Variants in LEMD1 observed in about 807,000 individuals in gnomAD.
LEMD1 encodes the protein LEM domain containing 1, also known as LEM domain-containing protein 1.
In LEMD1, 18 loss-of-function variants were observed where a neutral mutation model predicts 17.4. The observed-to-expected ratio is 1.04, with a 90% confidence interval of 0.72 to 1.54. The LOEUF (loss-of-function observed/expected upper bound fraction) is 1.54, where lower values mean the gene tolerates loss of function less well. Among genes scored for constraint, LEMD1 ranks in the 40% most tolerant of loss-of-function variants. LEMD1 has a pLI of 0.00. For missense variants in LEMD1, 195 were observed against 210.4 expected, an observed-to-expected ratio of 0.93 and a Z score of 0.45; for synonymous variants, 88 against 77.8, an observed-to-expected ratio of 1.13 and a Z score of -0.69.
intron 4 of LEMD1, among the ~76,000 whole-genome samples, chr1:205,407,803 TG>T (rs1303070332): frequency 6.6e-6 from 1 of 152,162 alleles, no homozygotes; most frequent in Non-Finnish European, 1.5e-5. Flanking sequence ...CCCCTTAACC[TG>T]TGGGATCTGA....
intron 3 of LEMD1, among the ~76,000 whole-genome samples, chr1:205,417,437 C>T (rs1194417859): frequency 1.3e-5 from 2 of 152,204 alleles, no homozygotes; most frequent in African/African-American, 2.4e-5. Flanking sequence ...AAGTCGTGAA[C>T]AGTTCTGAAA....
intron 2 of LEMD1, among the ~76,000 whole-genome samples, chr1:205,420,228 G>A (rs942204398): frequency 2.6e-5 from 4 of 152,168 alleles, no homozygotes; most frequent in African/African-American, 9.7e-5. Context: ...TCAGGCAGGA[G>A]AATCGCTTGA....
At chr1:205,413,724 C>A (rs1017033361) in intron 4 of LEMD1, among the ~76,000 whole-genome samples, 1 of 149,464 alleles carries the variant, frequency 6.7e-6, no homozygotes, top group Non-Finnish European at 1.5e-5. Flanking sequence ...ACAATCTCGG[C>A]TCATTGCAAC....
At chr1:205,426,688 C>T (rs190342321), upstream of LEMD1, among the ~76,000 whole-genome samples, 26 of 152,268 alleles carry the variant, frequency 1.7e-4, no homozygotes, top group South Asian at 2.5e-3. Context: ...TGGATGGATA[C>T]GGTTGAACTA....
chr1:205,442,522 G>A (rs1214000865), intron 1 of LEMD1, among the ~76,000 whole-genome samples: 1 of 152,166 alleles, frequency 6.6e-6, no homozygotes, highest in Non-Finnish European at 1.5e-5. Flanking sequence ...ACAGTGCCCG[G>A]TGGATCCAAG....
At chr1:205,400,460 G>A (rs1287938436) in intron 4 of LEMD1, among the ~76,000 whole-genome samples, 1 of 152,196 alleles carries the variant, frequency 6.6e-6, no homozygotes, top group African/African-American at 2.4e-5. Flanking sequence ...AATGAGAAGA[G>A]CACAGCGCCA....
At chr1:205,405,495 G>A (rs1434628351) in intron 4 of LEMD1, among the ~76,000 whole-genome samples, 5 of 142,454 alleles carry the variant, frequency 3.5e-5, no homozygotes, top group South Asian at 4.4e-4. Context: ...TGATCGCATC[G>A]GCTCCTGAGG....
At chr1:205,413,808 A>G (rs1665569007) in intron 4 of LEMD1, among the ~76,000 whole-genome samples, 1 of 151,692 alleles carries the variant, frequency 6.6e-6, no homozygotes, top group East Asian at 1.9e-4. Flanking sequence ...ACATGCCACC[A>G]TGCCCAGATA....
At position 205,393,774 on chromosome 1, in the gene LEMD1, C is replaced by T. The variant is rs1372032129; in HGVS notation, c.271-9410G>A. Among the ~76,000 whole-genome samples, 3 of 150,438 alleles carry T rather than the reference C, an allele frequency of 2.0e-5. 1 individual carries two copies. The highest frequency in any genetic ancestry group is 3.9e-4 in the East Asian group (2 of 5,110). On this transcript the variant is annotated intron_variant, in intron 4 of 5. Coordinates refer to ENST00000367153, the MANE Select transcript of LEMD1 (RefSeq NM_001199050.2). Reference sequence around the variant, plus strand: ...GTAACGTAAAATGGCCCAGCCACTGCGGAACACAGTTTGGTACTTTCTCCG... The same window carrying T: ...GTAACGTAAAATGGCCCAGCCACTGTGGAACACAGTTTGGTACTTTCTCCG...
At chr1:205,429,858 C>G (rs895317964) in intron 1 of LEMD1, among the ~76,000 whole-genome samples, 2 of 152,130 alleles carry the variant, frequency 1.3e-5, no homozygotes, top group South Asian at 2.1e-4. Context: ...GGCTGCTGCT[C>G]TCACTCCTCA....
chr1:205,440,506 G>C (rs1456903327), intron 1 of LEMD1: 2 of 152,306 alleles, frequency 1.3e-5, no homozygotes, highest in African/African-American at 2.4e-5. Flanking sequence ...TTCTCTGCTA[G>C]AGCAGCCAGT....
chr1:205,436,954 A>G (rs1280039170), intron 1 of LEMD1: 1 of 152,444 alleles, frequency 6.6e-6, no homozygotes, highest in Non-Finnish European at 1.5e-5. Context: ...ACTCATCGCC[A>G]CCTGTTATGG....
At chr1:205,444,030 A>G (rs1666340762) in intron 1 of LEMD1, among the ~76,000 whole-genome samples, 2 of 152,042 alleles carry the variant, frequency 1.3e-5, no homozygotes, top group South Asian at 4.1e-4. Flanking sequence ...CCCTGAAGTC[A>G]GGTCCCCTTG....
At chr1:205,382,069 A>C (rs1574931436) in intron 5 of LEMD1, 1 of 568,304 alleles carries the variant, frequency 1.8e-6, no homozygotes, top group Non-Finnish European at 3.1e-6. Context: ...TGGTACAATC[A>C]CAGCTCACTG....
chr1:205,429,992 G>A (rs547269610), intron 1 of LEMD1, among the ~76,000 whole-genome samples: 1 of 152,264 alleles, frequency 6.6e-6, no homozygotes, highest in South Asian at 2.1e-4. Context: ...GTGACATTCC[G>A]AAACACTACT....
rs1391991934 is a variant in LEMD1 at position 205,420,349 on chromosome 1, T to C, written c.82+106A>G. The C allele has an allele frequency of 4.8e-6, 4 of 834,954 alleles. No homozygotes were observed. In the African/African-American group the frequency reaches 5.1e-5, roughly 11 times the overall value. The allele number at this position is 834,954 out of a possible 1,614,324, so 51.7% of individuals were successfully genotyped here. On this transcript the variant is annotated intron_variant, in intron 2 of 5. Transcript: ENST00000367153. ...TTTGTGGTTTTCTGTTTTCTCTATG[T>C]TCCTATTTCTATTTTAATGGCTTTA... is the stretch of plus-strand genomic sequence containing the variant.
intron 2 of LEMD1, among the ~76,000 whole-genome samples, chr1:205,419,922 AC>A (rs1665883153): frequency 6.6e-6 from 1 of 152,240 alleles, no homozygotes; most frequent in Admixed American, 6.5e-5. Flanking sequence ...TATGGGGAAT[AC>A]AGATAATAAA....
intron 1 of LEMD1, among the ~76,000 whole-genome samples, chr1:205,420,907 C>T (rs565815423): frequency 5.3e-5 from 8 of 149,864 alleles, no homozygotes; most frequent in Admixed American, 4.6e-4. Flanking sequence ...AACTCAAGCT[C>T]TGAGAAGATA....
intron 4 of LEMD1, among the ~76,000 whole-genome samples, chr1:205,391,535 G>A (rs1165771470): frequency 3.3e-5 from 5 of 152,306 alleles, no homozygotes; most frequent in South Asian, 2.1e-4. Context: ...CAGCCAAACA[G>A]CCCATCTCCG....
Sources: allele counts gnomAD v4.1 joint callset (sites outside exome capture counted in the v4.1 genomes callset), GRCh38; gene constraint gnomAD v4.1.1; transcripts MANE v1.5; gene names NCBI Gene and HGNC (gene_info 2026-07-23, HGNC 2026-07-21).